Variants in XIAP observed in about 807,000 individuals in gnomAD.
XIAP encodes the protein E3 ubiquitin-protein ligase XIAP.
Under a neutral mutation model 33.1 loss-of-function variants are expected in XIAP, and 3 were observed. The ratio of observed to expected loss-of-function variants is 0.09; its 90% CI spans 0.04 to 0.23. The LOEUF (loss-of-function observed/expected upper bound fraction) is 0.23. XIAP is among the 10% of genes least tolerant of loss of function. The pLI, the probability that XIAP is intolerant of heterozygous loss-of-function variation, is 1.00. For synonymous variants in XIAP, 98 were observed against 121.3 expected (o/e 0.81, Z 1.26); for missense variants, 264 against 363.0 (o/e 0.73, Z 2.22).
chrX:123,899,144 A>AAAAAATATATAT lies in XIAP; in HGVS notation c.1100-1348_1100-1347insAAAATATATATA, dbSNP rs1186271285. ...CAAAAAAAAAAAAAAAAAAAAAAAA[A>AAAAAATATATAT]ATATATATATATATATATATATGAT... On this transcript the variant is annotated intron_variant, in intron 5 of 6. Coordinates refer to ENST00000371199, the MANE Select transcript of XIAP (RefSeq NM_001167.4). Among the ~76,000 whole-genome samples, 7 of 50,184 alleles carry AAAAAATATATAT rather than the reference A, an allele frequency of 1.4e-4. 2 individuals are homozygous for AAAAAATATATAT. Among genetic ancestry groups the AAAAAATATATAT allele is most frequent in the African/African-American group, 5.9e-4 (7 of 11,840 alleles). 43.6% of individuals were successfully genotyped at this position (50,184 alleles called of 115,157 possible).
intron 1 of XIAP, among the ~76,000 whole-genome samples, chrX:123,862,267 C>T (rs188290284): frequency 1.8e-5 from 2 of 108,902 alleles, no homozygotes; most frequent in East Asian, 5.9e-4. Flanking sequence ...CCGGGTTTCC[C>T]CATGTTGGCC....
intron 5 of XIAP, among the ~76,000 whole-genome samples, chrX:123,899,293 G>GTA (rs1233832736): frequency 2.1e-5 from 2 of 95,579 alleles, no homozygotes; most frequent in African/African-American, 7.7e-5. Flanking sequence ...ATATGATTTT[G>GTA]TATATATATA....
At chrX:123,892,156 A>G (rs1407550700) in intron 4 of XIAP, among the ~76,000 whole-genome samples, 1 of 111,416 alleles carries the variant, frequency 9.0e-6, no homozygotes, top group Non-Finnish European at 1.9e-5. Flanking sequence ...ACCCAAGGTC[A>G]GGAGTTCGAG....
chrX:123,912,065 C>CA lies in XIAP; in HGVS notation c.*4884_*4885insA. 1 of 328,280 alleles carries CA rather than the reference C, an allele frequency of 3.0e-6. No individual in the cohort carries two copies. The highest frequency in any genetic ancestry group is 5.9e-6 in the Non-Finnish European group (1 of 169,724). The allele number at this position is 328,280 out of a possible 1,213,427, so 27.1% of individuals were successfully genotyped here. A position where few individuals can be genotyped will look rare whatever the true frequency, so the allele number is the denominator to read the frequency against. ...GTCCAAATGTTTATGTTTTCAACTA[C>CA]TCTTTCCACTGTACCATAACTTTCA... is the stretch of plus-strand genomic sequence containing the variant. On this transcript the variant is annotated 3_prime_UTR_variant, in exon 7 of 7. Coordinates refer to ENST00000371199, the MANE Select transcript of XIAP (RefSeq NM_001167.4).
At chrX:123,873,724 C>T (rs45543337) in intron 1 of XIAP, 40,965 of 106,288 alleles carry the variant, frequency 0.39, 6,224 homozygotes, top group African/African-American at 0.49. Context: ...TGAGGAGTTT[C>T]GAGCCCAGCC....
intron 1 of XIAP, among the ~76,000 whole-genome samples, chrX:123,866,078 T>A (rs2053132256): frequency 9.0e-6 from 1 of 110,880 alleles, no homozygotes; most frequent in East Asian, 2.8e-4. Flanking sequence ...GTAGCTGGGA[T>A]TACAGGCGCA....
At chrX:123,877,965 C>A (rs1448413830) in intron 1 of XIAP, among the ~76,000 whole-genome samples, 1 of 85,806 alleles carries the variant, frequency 1.2e-5, no homozygotes, top group Non-Finnish European at 2.3e-5. Context: ...GAGACTCCGT[C>A]TCAAAGAAAA....
rs1835230503 is a variant in XIAP at position 123,911,042 on chromosome X, G to A, written c.*3861G>A. 1 of 328,958 alleles carries A rather than the reference G, an allele frequency of 3.0e-6. No homozygotes were observed. Among genetic ancestry groups the A allele is most frequent in the African/African-American group, 2.6e-5 (1 of 38,128 alleles). 27.1% of individuals were successfully genotyped at this position (328,958 alleles called of 1,213,427 possible). ...AGACCATGTATGTAAAGTTCCTGCTGTAAATATGAACTCCCATCCTAATAC... is the reference window on the plus strand; with the variant it reads ...AGACCATGTATGTAAAGTTCCTGCTATAAATATGAACTCCCATCCTAATAC... On this transcript the variant is annotated 3_prime_UTR_variant, in exon 7 of 7. Transcript: ENST00000371199.
At chrX:123,867,546 G>T (rs1416123699) in intron 1 of XIAP, among the ~76,000 whole-genome samples, 1 of 107,753 alleles carries the variant, frequency 9.3e-6, no homozygotes, top group African/African-American at 3.4e-5. Context: ...GCTAATTTTT[G>T]TATTTTTAGT....
chrX:123,895,966 T>C (rs951969257), intron 5 of XIAP, among the ~76,000 whole-genome samples: 2 of 111,340 alleles, frequency 1.8e-5, no homozygotes, highest in Non-Finnish European at 3.8e-5. Flanking sequence ...TTCGCTATAT[T>C]AGCCAGGCTG....
intron 6 of XIAP, among the ~76,000 whole-genome samples, chrX:123,902,467 A>G (rs2053522739): frequency 8.9e-6 from 1 of 111,927 alleles, no homozygotes; most frequent in Admixed American, 9.6e-5. Flanking sequence ...TTTATATAAA[A>G]TAAGGATGGG....
intron 1 of XIAP, among the ~76,000 whole-genome samples, chrX:123,879,556 C>T (rs2053278940): frequency 9.3e-6 from 1 of 107,562 alleles, no homozygotes; most frequent in South Asian, 4.3e-4. Context: ...ACCTCGTGAT[C>T]CGCCTGCCTT....
At chrX:123,880,106 T>C (rs1325220358) in intron 1 of XIAP, among the ~76,000 whole-genome samples, 5 of 99,838 alleles carry the variant, frequency 5.0e-5, no homozygotes, top group African/African-American at 1.9e-4. Flanking sequence ...AGAGCAAGAC[T>C]CCGTCTCAAA....
chrX:123,875,142 C>T (rs1364377792), intron 1 of XIAP, among the ~76,000 whole-genome samples: 1 of 106,771 alleles, frequency 9.4e-6, no homozygotes, highest in African/African-American at 3.4e-5. Flanking sequence ...CCTGCCTCAG[C>T]GTCCCGAGTA....
chrX:123,901,490 T>A (rs1348083867), intron 6 of XIAP, among the ~76,000 whole-genome samples: 3 of 112,151 alleles, frequency 2.7e-5, no homozygotes, highest in Admixed American at 9.5e-5. Flanking sequence ...TTGGGTACTT[T>A]ACCTGTAATA....
In XIAP at chrX:123,909,635, T is replaced by C. The variant is rs368714146; in HGVS notation, c.*2454T>C. ...GACTGAATTGTTTTAACATAAGGCT[T>C]TTCCTGTTCTGGGAGCCGCACTTCA... On this transcript the variant is annotated 3_prime_UTR_variant, in exon 7 of 7. Transcript: ENST00000371199. 18 of 327,861 alleles carry C rather than the reference T, an allele frequency of 5.5e-5. No individual in the cohort carries two copies. The highest frequency in any genetic ancestry group is 4.7e-4 in the South Asian group (18 of 38,323). The allele number at this position is 327,861 out of a possible 1,213,427, so 27.0% of individuals were successfully genotyped here.
intron 3 of XIAP, among the ~76,000 whole-genome samples, chrX:123,890,657 A>C (rs1292622088): frequency 9.9e-6 from 1 of 100,748 alleles, no homozygotes; most frequent in Non-Finnish European, 2.0e-5. Context: ...AAAAAAAAAA[A>C]CTAGCCGGGC....
intron 1 of XIAP, among the ~76,000 whole-genome samples, chrX:123,882,658 C>T (rs1476938463): frequency 1.8e-5 from 2 of 112,701 alleles, no homozygotes; most frequent in East Asian, 5.6e-4. Context: ...TTTTAGTCGA[C>T]TTGTAATGTT....
At chrX:123,898,551 A>AT (rs1434620500) in intron 5 of XIAP, among the ~76,000 whole-genome samples, 2 of 107,052 alleles carry the variant, frequency 1.9e-5, no homozygotes, top group African/African-American at 6.8e-5. Flanking sequence ...ATTTTTTGGT[A>AT]TTTTTTGCAG....
Sources: allele counts gnomAD v4.1 joint callset (sites outside exome capture counted in the v4.1 genomes callset), GRCh38; gene constraint gnomAD v4.1.1; transcripts MANE v1.5; gene names NCBI Gene and HGNC (gene_info 2026-07-23, HGNC 2026-07-21).